Variants in CDH26 observed in about 807,000 individuals in gnomAD.
CDH26 encodes cadherin 26, also known as cadherin-like protein 26.
A neutral mutation model predicts 90.3 loss-of-function variants in CDH26; 83 were observed. That is an observed-to-expected ratio of 0.92 (90% confidence interval 0.77 to 1.10). The LOEUF (loss-of-function observed/expected upper bound fraction) is 1.10, where lower values mean the gene tolerates loss of function less well. Among genes scored for constraint, CDH26 ranks in the 50% least tolerant of loss-of-function variants. CDH26 has a pLI of 0.00. For synonymous variants in CDH26, 397 were observed against 396.3 expected (o/e 1.00, Z -0.02); for missense variants, 1,013 against 1,037.6 (o/e 0.98, Z 0.33).
At chr20:60,016,694 C>T (rs1290619176), downstream of CDH26, among the ~76,000 whole-genome samples, 1 of 151,946 alleles carries the variant, frequency 6.6e-6, no homozygotes, top group Non-Finnish European at 1.5e-5. Flanking sequence ...TTGTTCCAGT[C>T]CTTAGGGGAA....
chr20:59,970,188 T>C lies in CDH26; in HGVS notation c.231+2T>C, dbSNP rs765633969. Reference sequence around the variant, plus strand: ...CCCTTTCCCAAACTCATTGGTGAGGTAAGGTGCCTACTCTTAAGGAATGAC... The same window carrying C: ...CCCTTTCCCAAACTCATTGGTGAGGCAAGGTGCCTACTCTTAAGGAATGAC... On this transcript the variant is annotated splice_donor_variant, in intron 3 of 17. Coordinates refer to ENST00000348616, the MANE Select transcript of CDH26 (RefSeq NM_177980.4). LOFTEE classifies it high-confidence loss of function. The C allele has an allele frequency of 2.5e-6, 4 of 1,613,380 alleles. No individual in the cohort carries two copies. The highest frequency in any genetic ancestry group is 3.4e-6 in the Non-Finnish European group (4 of 1,179,748).
At chr20:59,982,381 T>C (rs539512083) in intron 4 of CDH26, among the ~76,000 whole-genome samples, 1 of 152,354 alleles carries the variant, frequency 6.6e-6, no homozygotes, top group Non-Finnish European at 1.5e-5. Flanking sequence ...TTTGAGACCA[T>C]TTGAAGTGAA....
At chr20:60,029,829 G>A (rs759388072) in intron 7 of CDH26, among the ~76,000 whole-genome samples, 3 of 151,858 alleles carry the variant, frequency 2.0e-5, no homozygotes, top group Non-Finnish European at 4.4e-5. Flanking sequence ...TCTTTTTTAC[G>A]GCTGCATAGT....
At chr20:59,996,839 C>T (rs948284356) in intron 13 of CDH26, 78 bp downstream of exon 13, 5 of 1,562,810 alleles carry the variant, frequency 3.2e-6, no homozygotes, top group South Asian at 1.2e-5. Context: ...TTTTTCCCCC[C>T]ATTGTGCCAC....
intron 10 of CDH26, 89 bp from the exon 11 acceptor site, chr20:59,994,160 TA>T: frequency 1.3e-6 from 2 of 1,512,642 alleles, no homozygotes; most frequent in East Asian, 2.3e-5. Context: ...ATTTCAGGAA[TA>T]TTTTTTTTCT....
intron 11 of CDH26, among the ~76,000 whole-genome samples, chr20:59,994,700 T>C (rs1300471287): frequency 6.6e-6 from 1 of 152,116 alleles, no homozygotes; most frequent in Admixed American, 6.5e-5. Context: ...TAGGAAACTC[T>C]CCTCATCAGG....
At chr20:59,986,390 A>G (rs927317656) in intron 7 of CDH26, among the ~76,000 whole-genome samples, 3 of 152,190 alleles carry the variant, frequency 2.0e-5, no homozygotes, top group African/African-American at 7.2e-5. Flanking sequence ...TAAGAGATAA[A>G]ATAAGAATCA....
chr20:60,015,609 C>T (rs2061898650), downstream of CDH26, among the ~76,000 whole-genome samples: 1 of 31,168 alleles, frequency 3.2e-5, no homozygotes. Flanking sequence ...CTTTGCTGTG[C>T]AGAAAATTTT....
rs145831967 is a variant in CDH26 at position 60,029,921 on chromosome 20, A to G, written c.948-1310A>G. 1.8e-3 allele frequency among the ~76,000 whole-genome samples: 280 copies of G among 152,148 alleles called. 1 individual carries two copies. The highest frequency in any genetic ancestry group is 6.1e-3 in the African/African-American group (252 of 41,520). ...CAAGTGTCCTTACCACCAAAAATAA[A>G]TAAATGAATAAATGAATAAATAAAT... On this transcript the variant is annotated intron_variant, in intron 7 of 8. Coordinates refer to the CDH26 transcript ENST00000370991.
downstream of CDH26, among the ~76,000 whole-genome samples, chr20:60,015,539 A>G (rs1425316158): frequency 6.6e-6 from 1 of 152,214 alleles, no homozygotes; most frequent in African/African-American, 2.4e-5. Flanking sequence ...CCCTTATTGG[A>G]TAAATAGTTT....
At chr20:60,010,384 G>A (rs1254543161) in intron 17 of CDH26, among the ~76,000 whole-genome samples, 2 of 152,132 alleles carry the variant, frequency 1.3e-5, no homozygotes, top group Non-Finnish European at 2.9e-5. Flanking sequence ...CAGCAGTGAC[G>A]GATTAGACAG....
rs145015790 is a variant in CDH26, at chr20:59,985,066, G to A, written c.774G>A (p.Thr258=). Reference sequence around the variant, plus strand: ...GTGGAGAACCGTCACTGTCATCCACGACCACCGTTCACGTGGATGTGCAAG... The same window carrying A: ...GTGGAGAACCGTCACTGTCATCCACAACCACCGTTCACGTGGATGTGCAAG... ...RDCGEPSLSS[T]TTVHVDVQEG... Residue 258 remains threonine, a synonymous_variant, in exon 7 of 18, where the codon ACG becomes ACA. Transcript: ENST00000348616. The A allele has an allele frequency of 1.3e-5, 21 of 1,613,806 alleles. No individual in the cohort carries two copies. Among genetic ancestry groups the A allele is most frequent in the South Asian group, 3.3e-5 (3 of 90,996 alleles).
rs1402583551 is a variant in CDH26 at position 60,013,529 on chromosome 20, T to C, written c.*799T>C. The C allele has an allele frequency of 6.6e-6, 1 of 152,224 alleles. No individual in the cohort carries two copies. Among genetic ancestry groups the C allele is most frequent in the Non-Finnish European group, 1.5e-5 (1 of 68,016 alleles). The allele number at this position is 152,224 out of a possible 1,614,324, so 9.4% of individuals were successfully genotyped here. On this transcript the variant is annotated 3_prime_UTR_variant, in exon 18 of 18. Transcript: ENST00000348616. ...TTTAAAAATCTTAATAGGGGACATA[T>C]GCCCTAAAAATAGTCAGTTTTCTAG...
At chr20:59,968,863 C>G in intron 1 of CDH26, 104 bp from the exon 2 acceptor site, 1 of 535,130 alleles carries the variant, frequency 1.9e-6, no homozygotes, top group Non-Finnish European at 3.3e-6. Flanking sequence ...TACAGAAGTT[C>G]TGTTTTCATC....
intron 11 of CDH26, 95 bp from the exon 12 acceptor site, chr20:59,995,738 A>C: frequency 8.9e-7 from 1 of 1,128,388 alleles, no homozygotes. Flanking sequence ...ACTTTCATAC[A>C]GAGCTTGGCC....
At chr20:60,018,595 A>C (rs75603767), downstream of CDH26, among the ~76,000 whole-genome samples, 221 of 151,884 alleles carry the variant, frequency 1.5e-3, no homozygotes, top group African/African-American at 5.1e-3. Context: ...AATCTGATTC[A>C]AGGTTATTAT....
intron 4 of CDH26, among the ~76,000 whole-genome samples, chr20:59,978,525 C>G (rs960293891): frequency 3.9e-5 from 6 of 151,946 alleles, no homozygotes; most frequent in African/African-American, 1.5e-4. Context: ...CAGGCACCCA[C>G]CATCATGCCT....
rs769655102 is a variant in CDH26, at chr20:59,970,063, G to A, written c.127-19G>A. On this transcript the variant is annotated intron_variant, in intron 2 of 17. Coordinates refer to ENST00000348616, the MANE Select transcript of CDH26 (RefSeq NM_177980.4). ...ATCACTGCCATCCTCATTGTCACCA[G>A]TGTCACTATAAGTTCCAGGAAAAGA... 3 of 1,608,444 alleles carry A rather than the reference G, an allele frequency of 1.9e-6. No homozygotes were observed. Among genetic ancestry groups the A allele is most frequent in the Non-Finnish European group, 2.5e-6 (3 of 1,177,272 alleles).
At chr20:60,021,895 C>CATATAT (rs1387371250) in intron 7 of CDH26, among the ~76,000 whole-genome samples, 16 of 80,872 alleles carry the variant, frequency 2.0e-4, no homozygotes, top group South Asian at 4.2e-4. Flanking sequence ...CACACACACA[C>CATATAT]ACATATATAT....
Sources: gnomAD v4.1 joint callset for allele counts (sites outside exome capture counted in the v4.1 genomes callset) on GRCh38, gnomAD v4.1.1 for gene constraint, MANE v1.5 for transcripts, NCBI Gene and HGNC (gene_info 2026-07-23, HGNC 2026-07-21) for gene names.